The following ODAD3 variants were observed in gnomAD, a reference collection of about 807,000 sequenced individuals.
The protein encoded by ODAD3 is outer dynein arm-docking complex subunit 3.
Under a neutral mutation model 70.9 loss-of-function variants are expected in ODAD3, and 57 were observed. That is an observed-to-expected ratio of 0.80 (90% CI 0.65 to 1.00). The LOEUF (loss-of-function observed/expected upper bound fraction) is 1.00. Among genes scored for constraint, ODAD3 ranks in the 50% least tolerant of loss-of-function variants. The pLI is 0.00. For missense variants in ODAD3, 797 were observed against 763.9 expected, an observed-to-expected ratio of 1.04 and a Z score of -0.51; for synonymous variants, 327 against 315.9, an observed-to-expected ratio of 1.04 and a Z score of -0.37.
In ODAD3 at chr19:11,426,497, C is replaced by G; in HGVS notation, c.789G>C (p.Glu263Asp). 1 of 1,614,092 alleles carries G rather than the reference C, an allele frequency of 6.2e-7. No homozygotes were observed. The highest frequency in any genetic ancestry group is 1.1e-5 in the South Asian group (1 of 91,088). The change falls in exon 6 of 13, where the codon GAG (glutamate) becomes GAC (aspartate). Residue 263 changes from glutamate to aspartate, a missense_variant. Physicochemically the swap from Glu to Asp is conservative, Grantham distance 45 (BLOSUM62 2). Coordinates refer to ENST00000356392, the MANE Select transcript of ODAD3 (RefSeq NM_145045.5). ...CCTCTTGGTTCACCACGTGCAGTGC[C>G]TCCAGCTCATGTTTGGTCCTCACCA... is the stretch of plus-strand genomic sequence containing the variant. ...AEVVRTKHEL[E>D]ALHVVNQEAL...
At chr19:11,427,463 TTTTG>T (rs1459131331) in intron 3 of ODAD3, among the ~76,000 whole-genome samples, 4 of 135,088 alleles carry the variant, frequency 3.0e-5, no homozygotes, top group African/African-American at 1.1e-4. Context: ...CCTGGCTAAT[TTTTG>T]TTTTTGTTTT....
rs1969126345 is a variant in ODAD3 at position 11,421,227 on chromosome 19, G to A, written c.1591-15C>T. On this transcript the variant is annotated splice_polypyrimidine_tract_variant and intron_variant, in intron 11 of 12. Coordinates refer to ENST00000356392, the MANE Select transcript of ODAD3 (RefSeq NM_145045.5). Reference sequence around the variant, plus strand: ...CTGGCGAGGAACTAAGCGGGGATGGGAAGCGAGAGAGGAAGGTGGGCGGGG... The same window carrying A: ...CTGGCGAGGAACTAAGCGGGGATGGAAAGCGAGAGAGGAAGGTGGGCGGGG... 5 of 1,608,820 alleles carry A rather than the reference G, an allele frequency of 3.1e-6. No individual in the cohort carries two copies. In the East Asian group the frequency reaches 6.7e-5, roughly 22 times the overall value.
chr19:11,426,475 C>T lies in ODAD3; in HGVS notation c.811G>A (p.Glu271Lys). The change falls in exon 6 of 13, where the codon GAG (glutamate) becomes AAG (lysine). Residue 271 changes from glutamate (E) to lysine (K), a missense_variant. Transcript: ENST00000356392. ...ELEALHVVNQ[E>K]ALNARDIAKN... ...GCAATGTCCCGGGCATTGAGGGCCT[C>T]TTGGTTCACCACGTGCAGTGCCTCC... 6.2e-7 allele frequency: 1 copy of T among 1,614,076 alleles called. No homozygotes were observed.
intron 2 of ODAD3, 50 bp downstream of exon 2, chr19:11,430,849 C>A (rs754810303): frequency 3.7e-6 from 6 of 1,613,958 alleles, no homozygotes; most frequent in Non-Finnish European, 8.5e-7. Flanking sequence ...CTACTTGTCC[C>A]CCACCATCCA....
At chr19:11,426,388 C>A in intron 6 of ODAD3, 58 bp downstream of exon 6, 1 of 1,611,268 alleles carries the variant, frequency 6.2e-7, no homozygotes, top group African/African-American at 1.3e-5. Flanking sequence ...AGGTCAGATT[C>A]TCAAGCTGGG....
Position 11,434,670 on chromosome 19 carries a change from CG to C in ODAD3, c.244+102del, listed in dbSNP as rs1456905010. ...CTAAGTATGAGTTTTTGCCCAGAAA[CG>C]GTTTACCTAGACTCATGCTGGAGAA... On this transcript the variant is annotated intron_variant, in intron 1 of 12. Coordinates refer to ENST00000356392, the MANE Select transcript of ODAD3 (RefSeq NM_145045.5). 104 of 1,436,718 alleles carry C rather than the reference CG, an allele frequency of 7.2e-5. 1 individual carries two copies. The highest frequency in any genetic ancestry group is 2.2e-5 in the Non-Finnish European group (24 of 1,067,174). The allele number at this position is 1,436,718 out of a possible 1,614,324, so 89.0% of individuals were successfully genotyped here.
rs1316519856 is a variant in ODAD3 at position 11,420,930 on chromosome 19, C to A, written c.1693G>T (p.Glu565Ter). The change falls in exon 13 of 13, where the codon GAG (glutamate) becomes TAG (stop). Residue 565 changes from glutamate to a stop codon, truncating the protein, a stop_gained. Transcript: ENST00000356392. LOFTEE classifies it low-confidence loss of function (END_TRUNC). ...DKFFDEESEE[E>*]DNEVVTRASL... The stretch of plus-strand genomic sequence containing the variant: ...GCGCGGGTCACTACCTCGTTGTCCT[C>A]CTCCTCACTCTCTTCGTCTAAGGGG... 1.2e-6 allele frequency: 2 copies of A among 1,613,938 alleles called. No individual in the cohort carries two copies. Among genetic ancestry groups the A allele is most frequent in the Admixed American group, 1.7e-5 (1 of 60,008 alleles).
Position 11,426,142 on chromosome 19 carries a change from A to G in ODAD3, c.963+2T>C. 6.2e-7 allele frequency: 1 copy of G among 1,607,210 alleles called. No individual in the cohort carries two copies. Among genetic ancestry groups the G allele is most frequent in the Admixed American group, 1.7e-5 (1 of 59,294 alleles). On this transcript the variant is annotated splice_donor_variant, in intron 7 of 12. Coordinates refer to ENST00000356392, the MANE Select transcript of ODAD3 (RefSeq NM_145045.5). LOFTEE classifies it high-confidence loss of function. ...CAGGCGCGCACCCCTGGGTGCGCCC[A>G]CCTTGCGCTCCATGCGCTCGTTCTC... is the stretch of plus-strand genomic sequence containing the variant.
intron 7 of ODAD3, 81 bp downstream of exon 7, chr19:11,426,063 A>C: frequency 6.6e-7 from 1 of 1,525,612 alleles, no homozygotes; most frequent in Non-Finnish European, 8.8e-7. Context: ...GAGAAGGCCT[A>C]GGATGAGGGA....
At chr19:11,435,598 ACGAC>A, upstream of ODAD3, 1 of 1,007,658 alleles carries the variant, frequency 9.9e-7, no homozygotes, top group Non-Finnish European at 1.4e-6. Flanking sequence ...TGCGGAACGT[ACGAC>A]CGGAAGTGAC....
chr19:11,423,003 CTG>C (rs1969178450), intron 8 of ODAD3, 142 bp from the exon 9 acceptor site: 2 of 907,708 alleles, frequency 2.2e-6, no homozygotes, highest in Non-Finnish European at 3.3e-6. Flanking sequence ...TATGGGGACA[CTG>C]TGGGTTGGAC....
chr19:11,431,752 G>C (rs1483342155), intron 1 of ODAD3, among the ~76,000 whole-genome samples: 2 of 149,506 alleles, frequency 1.3e-5, no homozygotes, highest in Non-Finnish European at 3.0e-5. Flanking sequence ...GGCTAACATA[G>C]TGAAATCCCG....
At chr19:11,421,910 T>C in intron 10 of ODAD3, 78 bp from the exon 11 acceptor site, 5 of 1,501,962 alleles carry the variant, frequency 3.3e-6, no homozygotes, top group East Asian at 2.3e-5. Context: ...GGGGCTTTTC[T>C]TTCGGGGGCG....
intron 3 of ODAD3, among the ~76,000 whole-genome samples, chr19:11,428,065 A>C (rs1212699067): frequency 6.7e-6 from 1 of 148,680 alleles, no homozygotes; most frequent in Admixed American, 6.7e-5. Context: ...GTGCCACTGC[A>C]CTCCATACTG....
chr19:11,434,597 T>C (rs1239298897), intron 1 of ODAD3, 176 bp downstream of exon 1: 1 of 741,608 alleles, frequency 1.3e-6, no homozygotes, highest in Non-Finnish European at 2.2e-6. Context: ...GTTCAGTCGG[T>C]TCTGAACCCA....
chr19:11,435,637 T>G, upstream of ODAD3: 2 of 1,254,472 alleles, frequency 1.6e-6, no homozygotes, highest in Non-Finnish European at 1.0e-6. Flanking sequence ...TCCGCTTTCT[T>G]TCTGCAGCAG....
At chr19:11,424,112 G>T in intron 7 of ODAD3, 83 bp from the exon 8 acceptor site, 1 of 1,506,584 alleles carries the variant, frequency 6.6e-7, no homozygotes, top group Non-Finnish European at 9.0e-7. Context: ...TCCAGATAGG[G>T]GCCCGCGAGG....
At position 11,435,028 on chromosome 19, in the gene ODAD3, G is replaced by C. The variant is rs919329086; in HGVS notation, c.-12C>G. Reference sequence around the variant, plus strand: ...AGAGGAGATGTCATGATGGGGTTGGGGCTGAAGGCCCCTAGGGGTTAGGGG... The same window carrying C: ...AGAGGAGATGTCATGATGGGGTTGGCGCTGAAGGCCCCTAGGGGTTAGGGG... On this transcript the variant is annotated 5_prime_UTR_variant, in exon 1 of 13. Coordinates refer to ENST00000356392, the MANE Select transcript of ODAD3 (RefSeq NM_145045.5). 10 of 1,605,186 alleles carry C rather than the reference G, an allele frequency of 6.2e-6. No individual in the cohort carries two copies. The highest frequency in any genetic ancestry group is 8.5e-6 in the Non-Finnish European group (10 of 1,177,886).
At chr19:11,424,988 T>C (rs935656300) in intron 7 of ODAD3, among the ~76,000 whole-genome samples, 19 of 132,886 alleles carry the variant, frequency 1.4e-4, no homozygotes, top group Non-Finnish European at 9.3e-5. Context: ...TGTGTATATG[T>C]ACATATGTGT....
Sources: allele counts gnomAD v4.1 joint callset (sites outside exome capture counted in the v4.1 genomes callset), GRCh38; gene constraint gnomAD v4.1.1; transcripts MANE v1.5; gene names NCBI Gene and HGNC (gene_info 2026-07-23, HGNC 2026-07-21).